The following PTPRD variants were observed in gnomAD, a reference collection of about 807,000 sequenced individuals.
PTPRD encodes the protein receptor-type tyrosine-protein phosphatase delta.
PTPRD carries 34 observed loss-of-function variants against 214.5 expected under a neutral mutation model. The ratio of observed to expected loss-of-function variants is 0.16; its 90% CI spans 0.12 to 0.21. The LOEUF (loss-of-function observed/expected upper bound fraction) is 0.21, where lower values mean the gene tolerates loss of function less well. Among genes scored for constraint, PTPRD ranks in the 10% least tolerant of loss-of-function variants. The pLI is 1.00. For missense variants in PTPRD, 2,545 were observed against 2,398.7 expected, an observed-to-expected ratio of 1.06 and a Z score of -1.27; for synonymous variants, 1,128 against 845.7, an observed-to-expected ratio of 1.33 and a Z score of -5.79.
chr9:10,397,031 T>C (rs1401956139), intron 2 of PTPRD, among the ~76,000 whole-genome samples: 1 of 151,936 alleles, frequency 6.6e-6, no homozygotes, highest in African/African-American at 2.4e-5. Context: ...CTCTTACAAA[T>C]AGCTTAGAAA....
chr9:9,594,509 G>A (rs558651280), intron 7 of PTPRD, among the ~76,000 whole-genome samples: 5 of 152,090 alleles, frequency 3.3e-5, no homozygotes, highest in African/African-American at 1.2e-4. Flanking sequence ...AATTATCCCA[G>A]CACCATTTGT....
intron 9 of PTPRD, among the ~76,000 whole-genome samples, chr9:9,365,434 G>C (rs1251314894): frequency 3.3e-5 from 5 of 151,448 alleles, no homozygotes; most frequent in African/African-American, 1.2e-4. Context: ...ATTTTTAACA[G>C]AATATTGAAA....
intron 44 of PTPRD, among the ~76,000 whole-genome samples, chr9:8,329,415 T>G (rs1837374346): frequency 6.6e-6 from 1 of 152,120 alleles, no homozygotes; most frequent in Non-Finnish European, 1.5e-5. Flanking sequence ...ACCTGCCAGA[T>G]GCCAGCCAGT....
intron 3 of PTPRD, among the ~76,000 whole-genome samples, chr9:10,177,380 A>G (rs546899510): frequency 6.6e-6 from 1 of 151,908 alleles, no homozygotes; most frequent in African/African-American, 2.4e-5. Flanking sequence ...AAGGGGCTAT[A>G]ACAAATGGCA....
chr9:8,537,627 G>T (rs1740611947), intron 14 of PTPRD, among the ~76,000 whole-genome samples: 1 of 151,920 alleles, frequency 6.6e-6, no homozygotes, highest in African/African-American at 2.4e-5. Flanking sequence ...TAGAAAATTG[G>T]ACATTGTTAA....
intron 3 of PTPRD, among the ~76,000 whole-genome samples, chr9:10,180,248 G>C (rs547433071): frequency 6.6e-6 from 1 of 152,054 alleles, no homozygotes; most frequent in South Asian, 2.1e-4. Context: ...GCAACAGGAA[G>C]ACCTAAAGCA....
At chr9:9,070,222 A>G (rs977584346) in intron 10 of PTPRD, among the ~76,000 whole-genome samples, 1 of 152,230 alleles carries the variant, frequency 6.6e-6, no homozygotes, top group Non-Finnish European at 1.5e-5. Flanking sequence ...TGGAGAAGGA[A>G]TTTATGCAAT....
chr9:8,657,581 C>G (rs1201089377), intron 12 of PTPRD, among the ~76,000 whole-genome samples: 2 of 152,132 alleles, frequency 1.3e-5, no homozygotes. Context: ...TTCTCCCGTT[C>G]TGTAGGTTAT....
chr9:9,443,712 T>C (rs1275700601), intron 8 of PTPRD, among the ~76,000 whole-genome samples: 1 of 152,140 alleles, frequency 6.6e-6, no homozygotes, highest in Non-Finnish European at 1.5e-5. Flanking sequence ...GCTGAAGCTA[T>C]TCTGTATCTT....
At chr9:9,705,943 A>G (rs1225251467) in intron 7 of PTPRD, among the ~76,000 whole-genome samples, 2 of 152,146 alleles carry the variant, frequency 1.3e-5, no homozygotes, top group African/African-American at 4.8e-5. Context: ...AGTGCAATAG[A>G]CGATGGTCTA....
chr9:10,107,580 T>A (rs2098647234), intron 3 of PTPRD, among the ~76,000 whole-genome samples: 1 of 152,086 alleles, frequency 6.6e-6, no homozygotes, highest in Non-Finnish European at 1.5e-5. Flanking sequence ...AGTACACGTG[T>A]TTGTTATGAG....
At chr9:10,151,256 C>CT (rs71321228) in intron 3 of PTPRD, among the ~76,000 whole-genome samples, 208 of 12,372 alleles carry the variant, frequency 0.017, 43 homozygotes, top group African/African-American at 0.041. Flanking sequence ...TTTTTGTTAA[C>CT]TTTTTTTTTT....
chr9:8,501,083 G>A (rs748014804), intron 23 of PTPRD, 24 bp from the exon 24 acceptor site: 2 of 1,585,750 alleles, frequency 1.3e-6, no homozygotes, highest in South Asian at 1.1e-5. Context: ...TGAGTTAAAG[G>A]AGGATTTAAG....
intron 12 of PTPRD, among the ~76,000 whole-genome samples, chr9:8,678,219 C>A (rs1376844679): frequency 1.3e-5 from 2 of 152,160 alleles, no homozygotes; most frequent in African/African-American, 4.8e-5. Context: ...ATTCAGACAT[C>A]ATTTCACACG....
chr9:8,740,914 G>C (rs2091753930), intron 11 of PTPRD, among the ~76,000 whole-genome samples: 1 of 152,028 alleles, frequency 6.6e-6, no homozygotes, highest in Admixed American at 6.6e-5. Flanking sequence ...AATACCCGAA[G>C]AGTAAAACAA....
At chr9:9,303,649 G>C (rs1956212335) in intron 9 of PTPRD, among the ~76,000 whole-genome samples, 1 of 152,072 alleles carries the variant, frequency 6.6e-6, no homozygotes, top group Non-Finnish European at 1.5e-5. Flanking sequence ...TCAACATGTG[G>C]ATTGGTATTG....
At chr9:8,704,515 G>A (rs954307160) in intron 12 of PTPRD, among the ~76,000 whole-genome samples, 34 of 152,136 alleles carry the variant, frequency 2.2e-4, no homozygotes, top group African/African-American at 8.2e-4. Context: ...TCATGAACTT[G>A]AAAATGGACT....
intron 7 of PTPRD, among the ~76,000 whole-genome samples, chr9:9,654,589 C>T (rs917400281): frequency 6.6e-6 from 1 of 152,096 alleles, no homozygotes; most frequent in East Asian, 1.9e-4. Flanking sequence ...TTACGTAAAA[C>T]ACTTTCATTT....
In PTPRD at chr9:8,465,265, C is replaced by G. The variant is rs12237214; in HGVS notation, c.3714+201G>C. On this transcript the variant is annotated intron_variant, in intron 32 of 45. Coordinates refer to ENST00000381196, the MANE Select transcript of PTPRD (RefSeq NM_002839.4). ...AGAGGGCCACCTAAATTTCCTTCATCAGAGACATAGTCTCATTTGTAATGC... is the reference window on the plus strand; with the variant it reads ...AGAGGGCCACCTAAATTTCCTTCATGAGAGACATAGTCTCATTTGTAATGC... Among the ~76,000 whole-genome samples the G allele has an allele frequency of 3.7e-4, 57 of 152,016 alleles. No individual in the cohort carries two copies. In the East Asian group the frequency reaches 7.8e-3, roughly 21 times the overall value.
Sources: allele counts gnomAD v4.1 joint callset (sites outside exome capture counted in the v4.1 genomes callset), GRCh38; gene constraint gnomAD v4.1.1; transcripts MANE v1.5; gene names NCBI Gene and HGNC (gene_info 2026-07-23, HGNC 2026-07-21).